The following ATP6V0E1 variants were observed in gnomAD, a reference collection of about 807,000 sequenced individuals.
The protein encoded by ATP6V0E1 is V-type proton ATPase subunit e 1.
A neutral mutation model predicts 11.6 loss-of-function variants in ATP6V0E1; 4 were observed. The ratio of observed to expected loss-of-function variants is 0.35; its 90% CI spans 0.17 to 0.79. The LOEUF (loss-of-function observed/expected upper bound fraction) is 0.79, where lower values mean the gene tolerates loss of function less well. ATP6V0E1 is among the 30% of genes least tolerant of loss of function. The probability of loss-of-function intolerance (pLI) is 0.54; values close to 1 mark genes in which losing one functional copy is unlikely to be tolerated. For missense variants in ATP6V0E1, 105 were observed against 100.0 expected, an observed-to-expected ratio of 1.05 and a Z score of -0.21; for synonymous variants, 36 against 34.8, an observed-to-expected ratio of 1.04 and a Z score of -0.13.
intron 2 of ATP6V0E1, among the ~76,000 whole-genome samples, chr5:173,017,840 C>CAAAAAAA (rs538210275): frequency 1.4e-4 from 9 of 66,506 alleles, no homozygotes; most frequent in South Asian, 4.7e-4. Context: ...GACTCCTTCT[C>CAAAAAAA]AAAAAAAAAA....
intron 2 of ATP6V0E1, among the ~76,000 whole-genome samples, chr5:173,009,308 A>G (rs991247667): frequency 1.3e-5 from 2 of 152,098 alleles, no homozygotes; most frequent in African/African-American, 4.8e-5. Context: ...CATGCCTGCA[A>G]TCTCAGCTAC....
At chr5:172,986,512 A>G (rs924432470) in intron 1 of ATP6V0E1, among the ~76,000 whole-genome samples, 23 of 151,976 alleles carry the variant, frequency 1.5e-4, no homozygotes, top group African/African-American at 5.6e-4. Context: ...GGTCCTAGCT[A>G]CTGGGGAGGC....
At chr5:173,014,082 A>AC (rs764265747) in intron 2 of ATP6V0E1, among the ~76,000 whole-genome samples, 7 of 150,106 alleles carry the variant, frequency 4.7e-5, no homozygotes, top group Non-Finnish European at 8.9e-5. Flanking sequence ...AATCACTTCA[A>AC]CCCGGGAGGT....
At chr5:173,003,043 T>A (rs1355090649) in intron 2 of ATP6V0E1, among the ~76,000 whole-genome samples, 1 of 151,984 alleles carries the variant, frequency 6.6e-6, no homozygotes, top group Non-Finnish European at 1.5e-5. Flanking sequence ...TTTTTTTAAG[T>A]AGCTTGGAAT....
At chr5:173,012,664 G>T (rs1200167846) in intron 2 of ATP6V0E1, among the ~76,000 whole-genome samples, 2 of 151,460 alleles carry the variant, frequency 1.3e-5, no homozygotes, top group African/African-American at 4.9e-5. Flanking sequence ...TGAGGCAGGA[G>T]AATCGCTTGA....
At chr5:173,006,864 T>C (rs140175875) in intron 2 of ATP6V0E1, among the ~76,000 whole-genome samples, 1 of 152,232 alleles carries the variant, frequency 6.6e-6, no homozygotes, top group African/African-American at 2.4e-5. Flanking sequence ...TGTTTGTTTG[T>C]AGGGGAAGGG....
At chr5:172,995,810 T>A (rs541512902) in intron 2 of ATP6V0E1, among the ~76,000 whole-genome samples, 1 of 152,184 alleles carries the variant, frequency 6.6e-6, no homozygotes, top group South Asian at 2.1e-4. Context: ...GATGGAGTCT[T>A]ACTGTGTTAC....
rs138499986 is a variant in ATP6V0E1 at position 172,992,004 on chromosome 5, T to TTCTTCTTTCTG, written c.105-2768_105-2767insTCTTTCTGTCT. Reference sequence around the variant, plus strand: ...TTTTCTTTCTTTCCTTCTTTCTTCTTTCTGTCTGTCTTTCTGTCTTTCTTT... The same window carrying TTCTTCTTTCTG: ...TTTTCTTTCTTTCCTTCTTTCTTCTTTCTTCTTTCTGTCTGTCTGTCTTTCTGTCTTTCTTT... On this transcript the variant is annotated intron_variant, in intron 1 of 3. Transcript: ENST00000519374. 4.9e-3 allele frequency among the ~76,000 whole-genome samples: 735 copies of TTCTTCTTTCTG among 151,014 alleles called. 7 individuals are homozygous for TTCTTCTTTCTG. Among genetic ancestry groups the TTCTTCTTTCTG allele is most frequent in the African/African-American group, 0.017 (698 of 40,888 alleles).
rs149545967 is a variant in ATP6V0E1, at chr5:172,998,051, A to G, written c.152+3229A>G. Among the ~76,000 whole-genome samples the G allele has an allele frequency of 5.2e-3, 785 of 152,068 alleles. 11 individuals carry two copies. The highest frequency in any genetic ancestry group is 0.018 in the African/African-American group (732 of 41,494). The stretch of plus-strand genomic sequence containing the variant: ...CTGAGCCCGGGGAAGTCAAGGCTAC[A>G]GTGAGCTGTCATTGCGGCAGTGCAT... On this transcript the variant is annotated intron_variant, in intron 2 of 3. Transcript: ENST00000519374.
intron 1 of ATP6V0E1, among the ~76,000 whole-genome samples, chr5:172,988,814 G>T (rs78339108): frequency 5.1e-4 from 77 of 152,130 alleles, no homozygotes; most frequent in Middle Eastern, 6.8e-3. Context: ...TCAACCTCCC[G>T]AGTATCTCGG....
intron 2 of ATP6V0E1, among the ~76,000 whole-genome samples, chr5:173,007,922 G>A (rs574129387): frequency 2.0e-5 from 3 of 152,212 alleles, no homozygotes; most frequent in African/African-American, 7.2e-5. Flanking sequence ...GGCCTTCAAG[G>A]CATGTATGCC....
chr5:173,019,388 T>C (rs1227668545), intron 2 of ATP6V0E1, among the ~76,000 whole-genome samples: 3 of 152,052 alleles, frequency 2.0e-5, no homozygotes, highest in Non-Finnish European at 4.4e-5. Context: ...AACCCATCTC[T>C]ACTAAAAATA....
intron 1 of ATP6V0E1, among the ~76,000 whole-genome samples, chr5:172,988,466 T>A (rs1393962121): frequency 1.3e-5 from 2 of 152,208 alleles, no homozygotes; most frequent in Non-Finnish European, 1.5e-5. Flanking sequence ...GAAATAGGCT[T>A]TTCTGTAGGG....
chr5:172,998,089 G>T (rs1046061731), intron 2 of ATP6V0E1, among the ~76,000 whole-genome samples: 6 of 151,252 alleles, frequency 4.0e-5, no homozygotes, highest in Non-Finnish European at 7.4e-5. Context: ...CAGCCTGGGG[G>T]TCCAAGTGAT....
intron 1 of ATP6V0E1, 133 bp downstream of exon 1, chr5:172,984,097 C>G (rs1715177742): frequency 2.4e-6 from 2 of 833,968 alleles, no homozygotes; most frequent in African/African-American, 1.7e-5. Flanking sequence ...GTCAGGCCCC[C>G]GACCCGGCGG....
At chr5:173,025,893 A>G (rs539842735) in intron 3 of ATP6V0E1, among the ~76,000 whole-genome samples, 66 of 152,260 alleles carry the variant, frequency 4.3e-4, no homozygotes, top group Middle Eastern at 6.8e-3. Context: ...GTACAGTGGT[A>G]TGTGCCTATA....
intron 3 of ATP6V0E1, 174 bp downstream of exon 3, chr5:173,020,541 T>C: frequency 1.7e-6 from 1 of 572,878 alleles, no homozygotes; most frequent in Non-Finnish European, 3.1e-6. Context: ...TACCTAAATC[T>C]CATTAAGATT....
chr5:172,988,962 A>G (rs1213604357), intron 1 of ATP6V0E1, among the ~76,000 whole-genome samples: 3 of 152,178 alleles, frequency 2.0e-5, no homozygotes, highest in African/African-American at 7.2e-5. Context: ...GTGTTGGGAT[A>G]ACAGGCTCGA....
chr5:173,016,867 C>A (rs981726111), intron 2 of ATP6V0E1, among the ~76,000 whole-genome samples: 5 of 152,194 alleles, frequency 3.3e-5, no homozygotes, highest in Non-Finnish European at 7.3e-5. Flanking sequence ...TAATACCCTA[C>A]TTCTAAGGAT....
Sources: allele counts gnomAD v4.1 joint callset (sites outside exome capture counted in the v4.1 genomes callset), GRCh38; gene constraint gnomAD v4.1.1; transcripts MANE v1.5; gene names NCBI Gene and HGNC (gene_info 2026-07-23, HGNC 2026-07-21).